Variants in PCDHB3 observed in about 807,000 individuals in gnomAD.
The protein encoded by PCDHB3 is protocadherin beta 3.
For synonymous variants in PCDHB3, 479 were observed against 456.0 expected, an observed-to-expected ratio of 1.05 and a Z score of -0.64; for missense variants, 967 against 1,012.1, an observed-to-expected ratio of 0.96 and a Z score of 0.60.
At position 141,101,699 on chromosome 5, in the gene PCDHB3, T is replaced by G. The variant is rs781976110; in HGVS notation, c.1050T>G (p.Ser350=). ...VNDNPPELTL[S]SVNSPIPENS... is the part of the protein sequence containing the mutation. ...ACAACCCACCGGAACTGACCTTGTCTTCAGTAAACAGCCCTATTCCTGAGA... is the reference window on the plus strand; with the variant it reads ...ACAACCCACCGGAACTGACCTTGTCGTCAGTAAACAGCCCTATTCCTGAGA... The change falls in exon 1 of 1, where the codon TCT becomes TCG. Residue 350 remains serine, a synonymous_variant. Transcript: ENST00000231130. 1 of 1,613,912 alleles carries G rather than the reference T, an allele frequency of 6.2e-7. No individual in the cohort carries two copies.
chr5:141,102,788 G>A lies in PCDHB3; in HGVS notation c.2139G>A (p.Leu713=), dbSNP rs782078599. ...TGCTCCTGTTCGTGGCGGTGCGGCT[G>A]TGCAGGAGGAGCAGGGCGGCCTCGG... ...FSVLLFVAVR[L]CRRSRAASVG... is the part of the protein sequence containing the mutation. Residue 713 remains leucine, a synonymous_variant, in exon 1 of 1, where the codon CTG becomes CTA. Coordinates refer to ENST00000231130, the MANE Select transcript of PCDHB3 (RefSeq NM_018937.5). 1 of 1,612,294 alleles carries A rather than the reference G, an allele frequency of 6.2e-7. No individual in the cohort carries two copies. Among genetic ancestry groups the A allele is most frequent in the South Asian group, 1.1e-5 (1 of 90,996 alleles).
rs13174972 is a variant in PCDHB3, at chr5:141,102,429, G to A, written c.1780G>A (p.Gly594Ser). The A allele has an allele frequency of 0.075, 120,023 of 1,609,880 alleles. 4,902 individuals are homozygous for A. Among genetic ancestry groups the A allele is most frequent in the South Asian group, 0.11 (10,433 of 90,938 alleles). The change falls in exon 1 of 1, where the codon GGC becomes AGC. Residue 594 changes from glycine to serine, a missense_variant. By Grantham distance (56) the Gly-to-Ser change is moderately conservative (BLOSUM62 0). Transcript: ENST00000231130. Reference protein sequence around the residue: ...YLVTKVVAVDGDSGQNAWLSY... With the variant: ...YLVTKVVAVDSDSGQNAWLSY... ...GGTGACCAAGGTGGTGGCGGTGGAC[G>A]GCGACTCGGGCCAGAACGCCTGGCT... is the stretch of plus-strand genomic sequence containing the variant.
At position 141,102,773 on chromosome 5, in the gene PCDHB3, C is replaced by G. The variant is rs782371087; in HGVS notation, c.2124C>G (p.Phe708Leu). The G allele has an allele frequency of 6.2e-6, 10 of 1,612,202 alleles. No individual in the cohort carries two copies. In the Admixed American group the frequency reaches 1.5e-4, roughly 24 times the overall value. ...SSLFLFSVLLFVAVRLCRRSR... is the reference protein window; with the variant it reads ...SSLFLFSVLLLVAVRLCRRSR... ...TCTTCCTCTTTTCGGTGCTCCTGTT[C>G]GTGGCGGTGCGGCTGTGCAGGAGGA... Residue 708 changes from phenylalanine to leucine, a missense_variant, in exon 1 of 1, where the codon TTC (phenylalanine) becomes TTG (leucine). By Grantham distance (22) the Phe-to-Leu change is conservative. Transcript: ENST00000231130.
At position 141,100,719 on chromosome 5, in the gene PCDHB3, T is replaced by G; in HGVS notation, c.70T>G (p.Ser24Ala). 6.2e-7 allele frequency: 1 copy of G among 1,613,710 alleles called. No individual in the cohort carries two copies. The highest frequency in any genetic ancestry group is 8.5e-7 in the Non-Finnish European group (1 of 1,179,896). Residue 24 changes from serine (S) to alanine (A), a missense_variant, in exon 1 of 1, where the codon TCT (serine) becomes GCT (alanine). Transcript: ENST00000231130. The part of the protein sequence containing the change: ...VLLLFVFLGG[S>A]LAGSESRRYS... ...GCTTCTCTTTGTTTTTCTGGGAGGGTCTCTGGCTGGGTCCGAGTCAAGACG... is the reference window on the plus strand; with the variant it reads ...GCTTCTCTTTGTTTTTCTGGGAGGGGCTCTGGCTGGGTCCGAGTCAAGACG...
Position 141,101,983 on chromosome 5 carries a change from A to G in PCDHB3, c.1334A>G (p.Asn445Ser). The G allele has an allele frequency of 6.2e-7, 1 of 1,613,502 alleles. No homozygotes were observed. Among genetic ancestry groups the G allele is most frequent in the South Asian group, 1.1e-5 (1 of 91,048 alleles). The change falls in exon 1 of 1, where the codon AAT becomes AGT. Residue 445 changes from asparagine to serine, a missense_variant. By Grantham distance (46) the Asn-to-Ser change is conservative. Transcript: ENST00000231130. ...ATAACCGTGCTGGTCTCCGACGTCA[A>G]TGACAACGCCCCCGCCTTCACCCAA... ...YNITVLVSDV[N>S]DNAPAFTQIS...
rs1187516146 is a variant in PCDHB3 at position 141,102,457 on chromosome 5, C to G, written c.1808C>G (p.Ser603Trp). 3.1e-6 allele frequency: 5 copies of G among 1,609,866 alleles called. No homozygotes were observed. Among genetic ancestry groups the G allele is most frequent in the Non-Finnish European group, 4.2e-6 (5 of 1,179,626 alleles). ...DGDSGQNAWL[S>W]YQLLKATEPG... Reference sequence around the variant, plus strand: ...GACTCGGGCCAGAACGCCTGGCTGTCGTACCAGCTGCTCAAGGCCACGGAG... The same window carrying G: ...GACTCGGGCCAGAACGCCTGGCTGTGGTACCAGCTGCTCAAGGCCACGGAG... Residue 603 changes from serine (S) to tryptophan (W), a missense_variant, in exon 1 of 1, where the codon TCG (serine) becomes TGG (tryptophan). By Grantham distance (177) the Ser-to-Trp change is radical. Transcript: ENST00000231130.
rs13157538 is a variant in PCDHB3, at chr5:141,102,249, A to G, written c.1600A>G (p.Thr534Ala). Reference protein sequence around the residue: ...LQAFEFRVGATDRGSPALSSE... With the variant: ...LQAFEFRVGAADRGSPALSSE... The stretch of plus-strand genomic sequence containing the variant: ...GGCGTTCGAGTTCCGCGTGGGCGCC[A>G]CAGACCGTGGCTCCCCGGCTTTGAG... Residue 534 changes from threonine (T) to alanine (A), a missense_variant, in exon 1 of 1, where the codon ACA becomes GCA. By Grantham distance (58) the Thr-to-Ala change is moderately conservative. Coordinates refer to ENST00000231130, the MANE Select transcript of PCDHB3 (RefSeq NM_018937.5). 0.066 allele frequency: 105,464 copies of G among 1,594,672 alleles called. 2,077 individuals are homozygous for G. The highest frequency in any genetic ancestry group is 0.11 in the South Asian group (9,847 of 90,350).
chr5:141,103,403 T>G lies in PCDHB3; in HGVS notation c.*363T>G, dbSNP rs1752011627. The stretch of plus-strand genomic sequence containing the variant: ...GAGCAAAAAGAAATTCACTGTCTTT[T>G]AATAGTGATTTCAAATAGCTTATTA... On this transcript the variant is annotated 3_prime_UTR_variant, in exon 1 of 1. Coordinates refer to ENST00000231130, the MANE Select transcript of PCDHB3 (RefSeq NM_018937.5). The G allele has an allele frequency of 5.6e-6, 1 of 178,650 alleles. No homozygotes were observed. Among genetic ancestry groups the G allele is most frequent in the African/African-American group, 2.4e-5 (1 of 42,162 alleles). The allele number at this position is 178,650 out of a possible 1,614,324, so 11.1% of individuals were successfully genotyped here.
rs781965023 is a variant in PCDHB3, at chr5:141,101,489, AT to A, written c.846del (p.His283MetfsTer12). 7 of 1,614,006 alleles carry A rather than the reference AT, an allele frequency of 4.3e-6. No homozygotes were observed. Among genetic ancestry groups the A allele is most frequent in the African/African-American group, 1.3e-5 (1 of 74,890 alleles). On this transcript the variant is annotated frameshift_variant, in exon 1 of 1. Transcript: ENST00000231130. LOFTEE classifies it low-confidence loss of function (END_TRUNC). ...TGSFGTISYA[F>X]FHASEEIRKT... ...GAAGTTTTGGGACAATATCATATGCATTTTTTCATGCTTCTGAAGAAATTCG... is the reference window on the plus strand; with the variant it reads ...GAAGTTTTGGGACAATATCATATGCATTTTTCATGCTTCTGAAGAAATTCG...
In PCDHB3 at chr5:141,101,007, G is replaced by A. The variant is rs1751924327; in HGVS notation, c.358G>A (p.Glu120Lys). The A allele has an allele frequency of 1.2e-6, 2 of 1,614,088 alleles. No homozygotes were observed. Among genetic ancestry groups the A allele is most frequent in the South Asian group, 1.1e-5 (1 of 91,078 alleles). ...LQNPLQFVTN[E>K]LRIIDVNDHS... ...AAACCCTTTGCAATTCGTTACAAAC[G>A]AGCTCCGTATCATAGATGTAAATGA... Residue 120 changes from glutamate to lysine, a missense_variant, in exon 1 of 1, where the codon GAG becomes AAG. Coordinates refer to ENST00000231130, the MANE Select transcript of PCDHB3 (RefSeq NM_018937.5).
In PCDHB3 at chr5:141,101,244, G is replaced by A. The variant is rs782754535; in HGVS notation, c.595G>A (p.Ala199Thr). The change falls in exon 1 of 1, where the codon GCG (alanine) becomes ACG (threonine). Residue 199 changes from alanine to threonine, a missense_variant. Coordinates refer to ENST00000231130, the MANE Select transcript of PCDHB3 (RefSeq NM_018937.5). The part of the protein sequence containing the change: ...RKYPELVLDK[A>T]LDPEEQPELS... Reference sequence around the variant, plus strand: ...GTACCCGGAACTAGTACTGGATAAAGCGCTCGATCCGGAGGAGCAGCCGGA... The same window carrying A: ...GTACCCGGAACTAGTACTGGATAAAACGCTCGATCCGGAGGAGCAGCCGGA... 6.2e-7 allele frequency: 1 copy of A among 1,614,142 alleles called. No homozygotes were observed. Among genetic ancestry groups the A allele is most frequent in the East Asian group, 2.2e-5 (1 of 44,876 alleles).
Position 141,101,541 on chromosome 5 carries a change from A to G in PCDHB3, c.892A>G (p.Thr298Ala). The change falls in exon 1 of 1, where the codon ACT becomes GCT. Residue 298 changes from threonine (T) to alanine (A), a missense_variant. Thr to Ala is a moderately conservative substitution (Grantham distance 58, BLOSUM62 0). Coordinates refer to ENST00000231130, the MANE Select transcript of PCDHB3 (RefSeq NM_018937.5). ...CAAAACTTTTCAGCTAAATCCAATT[A>G]CTGGTGATATGCAACTGGTCAAATA... Reference protein sequence around the residue: ...IRKTFQLNPITGDMQLVKYLN... With the variant: ...IRKTFQLNPIAGDMQLVKYLN... The G allele has an allele frequency of 1.9e-6, 3 of 1,614,186 alleles. No homozygotes were observed. The highest frequency in any genetic ancestry group is 2.5e-6 in the Non-Finnish European group (3 of 1,180,014).
In PCDHB3 at chr5:141,100,863, A is replaced by G; in HGVS notation, c.214A>G (p.Lys72Glu). 6.2e-7 allele frequency: 1 copy of G among 1,614,176 alleles called. No homozygotes were observed. The highest frequency in any genetic ancestry group is 8.5e-7 in the Non-Finnish European group (1 of 1,180,020). ...RGAQVVSKGN[K>E]QHFQLSHQTG... The stretch of plus-strand genomic sequence containing the variant: ...GGCCCAAGTTGTGTCCAAAGGGAAC[A>G]AACAGCATTTTCAGCTCAGTCATCA... Residue 72 changes from lysine (K) to glutamate (E), a missense_variant, in exon 1 of 1, where the codon AAA becomes GAA. Lys to Glu is a moderately conservative substitution (Grantham distance 56, BLOSUM62 1). Coordinates refer to ENST00000231130, the MANE Select transcript of PCDHB3 (RefSeq NM_018937.5).
chr5:141,102,060 G>T lies in PCDHB3; in HGVS notation c.1411G>T (p.Gly471Cys), dbSNP rs782301047. The T allele has an allele frequency of 1.4e-5, 22 of 1,612,790 alleles. 1 individual carries two copies. The highest frequency in any genetic ancestry group is 1.3e-4 in the African/African-American group (10 of 74,876). Reference protein sequence around the residue: ...RENNSPALHIGSVSATDRDSG... With the variant: ...RENNSPALHICSVSATDRDSG... ...GAACAACAGCCCCGCCCTGCACATC[G>T]GCAGTGTCAGCGCCACAGACAGAGA... The change falls in exon 1 of 1, where the codon GGC becomes TGC. Residue 471 changes from glycine to cysteine, a missense_variant. Physicochemically the swap from Gly to Cys is radical, Grantham distance 159. Coordinates refer to ENST00000231130, the MANE Select transcript of PCDHB3 (RefSeq NM_018937.5).
Position 141,102,066 on chromosome 5 carries a change from G to C in PCDHB3, c.1417G>C (p.Val473Leu), listed in dbSNP as rs202111030. 6.2e-7 allele frequency: 1 copy of C among 1,612,936 alleles called. No homozygotes were observed. The highest frequency in any genetic ancestry group is 8.5e-7 in the Non-Finnish European group (1 of 1,180,032). Residue 473 changes from valine (V) to leucine (L), a missense_variant, in exon 1 of 1, where the codon GTC becomes CTC. By Grantham distance (32) the Val-to-Leu change is conservative. Coordinates refer to ENST00000231130, the MANE Select transcript of PCDHB3 (RefSeq NM_018937.5). ...NNSPALHIGS[V>L]SATDRDSGTN... ...CAGCCCCGCCCTGCACATCGGCAGT[G>C]TCAGCGCCACAGACAGAGACTCAGG...
Position 141,101,186 on chromosome 5 carries a change from C to T in PCDHB3, c.537C>T (p.His179=). Residue 179 remains histidine, a synonymous_variant, in exon 1 of 1, where the codon CAC becomes CAT. Coordinates refer to ENST00000231130, the MANE Select transcript of PCDHB3 (RefSeq NM_018937.5). ...CTATCACTCCGAATTCCCACTTCCACGTACTCACTCGCAGTCGTAGGGACG... is the reference window on the plus strand; with the variant it reads ...CTATCACTCCGAATTCCCACTTCCATGTACTCACTCGCAGTCGTAGGGACG... ...NYTITPNSHF[H]VLTRSRRDGR... is the part of the protein sequence containing the mutation. 6.2e-6 allele frequency: 10 copies of T among 1,614,162 alleles called. No individual in the cohort carries two copies. The South Asian group carries it at 9.9e-5, about 16-fold the overall frequency.
Position 141,101,729 on chromosome 5 carries a change from G to C in PCDHB3, c.1080G>C (p.Ser360=), listed in dbSNP as rs782527182. ...TAAACAGCCCTATTCCTGAGAACTC[G>C]GGAGAGACTGTACTGGCTGTTTTCA... ...SSVNSPIPEN[S]GETVLAVFSV... Residue 360 remains serine (S), a synonymous_variant, in exon 1 of 1, where the codon TCG becomes TCC. Transcript: ENST00000231130. 6.8e-5 allele frequency: 109 copies of C among 1,613,968 alleles called. 2 individuals carry two copies. The South Asian group carries it at 1.0e-3, about 15-fold the overall frequency.
rs1439421208 is a variant in PCDHB3, at chr5:141,101,933, AC to A, written c.1287del (p.Arg430GlyfsTer2). 6.2e-7 allele frequency: 1 copy of A among 1,613,948 alleles called. No individual in the cohort carries two copies. The highest frequency in any genetic ancestry group is 1.3e-5 in the African/African-American group (1 of 74,916). ...ITITITDLGT[P>X]RLKTKYNITV... ...CCATCACTATCACTGACCTGGGGACACCCAGGCTGAAAACCAAGTACAACAT... is the reference window on the plus strand; with the variant it reads ...CCATCACTATCACTGACCTGGGGACACCAGGCTGAAAACCAAGTACAACAT... On this transcript the variant is annotated frameshift_variant, in exon 1 of 1. Coordinates refer to ENST00000231130, the MANE Select transcript of PCDHB3 (RefSeq NM_018937.5). LOFTEE classifies it low-confidence loss of function (END_TRUNC).
rs375135578 is a variant in PCDHB3, at chr5:141,100,725, G to C, written c.76G>C (p.Ala26Pro). Residue 26 changes from alanine to proline, a missense_variant, in exon 1 of 1, where the codon GCT becomes CCT. Transcript: ENST00000231130. ...CTTTGTTTTTCTGGGAGGGTCTCTG[G>C]CTGGGTCCGAGTCAAGACGCTATTC... is the stretch of plus-strand genomic sequence containing the variant. ...LLFVFLGGSL[A>P]GSESRRYSVA... 3 of 1,613,946 alleles carry C rather than the reference G, an allele frequency of 1.9e-6. No individual in the cohort carries two copies. The highest frequency in any genetic ancestry group is 2.5e-6 in the Non-Finnish European group (3 of 1,180,018).
Sources: gnomAD v4.1 joint callset for allele counts on GRCh38, gnomAD v4.1.1 for gene constraint, MANE v1.5 for transcripts, NCBI Gene and HGNC (gene_info 2026-07-23, HGNC 2026-07-21) for gene names.